Variants in COL24A1 observed in about 807,000 individuals in gnomAD.
COL24A1 encodes the protein collagen type XXIV alpha 1 chain.
COL24A1 carries 224 observed loss-of-function variants against 253.9 expected under a neutral mutation model. That is an observed-to-expected ratio of 0.88 (90% CI 0.79 to 0.99). The LOEUF (loss-of-function observed/expected upper bound fraction) is 0.99, where lower values mean the gene tolerates loss of function less well. Ranked by LOEUF, COL24A1 falls within the 50% of genes least tolerant of loss-of-function variation. COL24A1 has a pLI of 0.00. For synonymous variants in COL24A1, 685 were observed against 673.7 expected (o/e 1.02, Z -0.26); for missense variants, 2,131 against 2,068.5 (o/e 1.03, Z -0.59).
At chr1:86,099,874 G>T (rs1704293687) in intron 5 of COL24A1, among the ~76,000 whole-genome samples, 1 of 151,962 alleles carries the variant, frequency 6.6e-6, no homozygotes. Flanking sequence ...TTATTTGCCT[G>T]CTTAGAACTC....
intron 19 of COL24A1, among the ~76,000 whole-genome samples, chr1:85,990,808 C>A (rs1231732216): frequency 1.3e-5 from 2 of 152,066 alleles, no homozygotes; most frequent in Non-Finnish European, 2.9e-5. Context: ...CATAATGATA[C>A]AACAACAAAA....
intron 52 of COL24A1, among the ~76,000 whole-genome samples, chr1:85,778,557 G>A (rs1323209196): frequency 6.6e-6 from 1 of 151,066 alleles, no homozygotes; most frequent in Non-Finnish European, 1.5e-5. Context: ...TCTTTTACAG[G>A]TCTCCCCAAT....
intron 37 of COL24A1, among the ~76,000 whole-genome samples, chr1:85,861,934 G>A (rs1679198026): frequency 6.6e-6 from 1 of 151,908 alleles, no homozygotes; most frequent in Admixed American, 6.6e-5. Context: ...TCTATATCTT[G>A]GCCATTGCTG....
chr1:85,948,096 C>T (rs187188971), intron 24 of COL24A1, among the ~76,000 whole-genome samples: 109 of 152,256 alleles, frequency 7.2e-4, no homozygotes, highest in African/African-American at 2.1e-3. Context: ...TCAACTTATT[C>T]TTACTTTGTA....
intron 39 of COL24A1, among the ~76,000 whole-genome samples, chr1:85,843,142 T>C (rs1202045424): frequency 6.6e-6 from 1 of 152,194 alleles, no homozygotes; most frequent in East Asian, 1.9e-4. Flanking sequence ...AGAATAGGTA[T>C]GTGACTTGCC....
intron 5 of COL24A1, among the ~76,000 whole-genome samples, chr1:86,101,931 T>C (rs1001736021): frequency 1.3e-5 from 2 of 152,126 alleles, no homozygotes; most frequent in Non-Finnish European, 2.9e-5. Context: ...CCTCCTCAAA[T>C]TTTTGGAATA....
At chr1:85,943,276 C>T (rs1571312659) in intron 24 of COL24A1, among the ~76,000 whole-genome samples, 1 of 152,330 alleles carries the variant, frequency 6.6e-6, no homozygotes, top group East Asian at 1.9e-4. Flanking sequence ...TGTACTTGGA[C>T]AGAGCCAAGC....
intron 7 of COL24A1, among the ~76,000 whole-genome samples, chr1:86,075,978 C>T (rs1299413986): frequency 2.6e-5 from 4 of 151,988 alleles, no homozygotes; most frequent in East Asian, 1.9e-4. Context: ...CTTTGAAAAC[C>T]GGCACAAAAC....
chr1:85,996,236 G>A (rs1694775215), intron 19 of COL24A1, among the ~76,000 whole-genome samples: 1 of 152,036 alleles, frequency 6.6e-6, no homozygotes, highest in Non-Finnish European at 1.5e-5. Context: ...TATTGAACTT[G>A]TCCCCAGATA....
chr1:85,766,094 G>A (rs546146889), intron 53 of COL24A1, among the ~76,000 whole-genome samples: 192 of 152,082 alleles, frequency 1.3e-3, no homozygotes, highest in African/African-American at 4.3e-3. Flanking sequence ...GACTGGGTGC[G>A]GTGGCTTATG....
chr1:85,915,396 T>A (rs923853878), intron 24 of COL24A1, among the ~76,000 whole-genome samples: 2 of 152,336 alleles, frequency 1.3e-5, no homozygotes, highest in Admixed American at 1.3e-4. Context: ...GGAACTATAC[T>A]GGATTTCTAG....
At chr1:86,091,157 T>C (rs1703464440) in intron 6 of COL24A1, among the ~76,000 whole-genome samples, 1 of 152,112 alleles carries the variant, frequency 6.6e-6, no homozygotes, top group Non-Finnish European at 1.5e-5. Context: ...AATAATCTAT[T>C]CCAAGTTATT....
At chr1:85,874,068 C>T (rs1238174598) in intron 35 of COL24A1, among the ~76,000 whole-genome samples, 1 of 152,138 alleles carries the variant, frequency 6.6e-6, no homozygotes, top group Non-Finnish European at 1.5e-5. Context: ...AATATATCTC[C>T]CTACTTTGCC....
intron 18 of COL24A1, among the ~76,000 whole-genome samples, chr1:86,018,193 C>G (rs1338929484): frequency 6.6e-6 from 1 of 152,182 alleles, no homozygotes. Flanking sequence ...ATCACCTAAA[C>G]TTGCAAGTTA....
intron 24 of COL24A1, among the ~76,000 whole-genome samples, chr1:85,930,047 T>G (rs1334128745): frequency 1.6e-5 from 1 of 61,350 alleles, no homozygotes; most frequent in Non-Finnish European, 3.1e-5. Flanking sequence ...AGCAAACACA[T>G]TCAAAAGCTA....
intron 31 of COL24A1, among the ~76,000 whole-genome samples, chr1:85,891,049 T>A (rs969260877): frequency 2.0e-5 from 3 of 151,548 alleles, no homozygotes; most frequent in Non-Finnish European, 4.4e-5. Context: ...AAATTGCATC[T>A]TTTTTTCTTT....
At position 85,761,324 on chromosome 1, in the gene COL24A1, C is replaced by A. The variant is rs751050284; in HGVS notation, c.4437+72G>T. 481 of 1,533,292 alleles carry A rather than the reference C, an allele frequency of 3.1e-4. 1 individual carries two copies. Among genetic ancestry groups the A allele is most frequent in the Non-Finnish European group, 3.9e-4 (437 of 1,118,984 alleles). The allele number at this position is 1,533,292 out of a possible 1,614,324, so 95.0% of individuals were successfully genotyped here. On this transcript the variant is annotated intron_variant, in intron 55 of 59. Transcript: ENST00000370571. ...GGGATACCTTTTAATAGAGAGTTAA[C>A]AGAAGGATATTTAAAAAGTTAATAT... is the stretch of plus-strand genomic sequence containing the variant.
chr1:85,869,881 C>A (rs1261541837), intron 35 of COL24A1, among the ~76,000 whole-genome samples: 1 of 152,074 alleles, frequency 6.6e-6, no homozygotes, highest in African/African-American at 2.4e-5. Context: ...CTAAATGCTC[C>A]AACTAAAAGA....
At chr1:85,808,342 C>T (rs763733734) in intron 47 of COL24A1, among the ~76,000 whole-genome samples, 3 of 152,102 alleles carry the variant, frequency 2.0e-5, no homozygotes, top group Non-Finnish European at 4.4e-5. Flanking sequence ...ACAAACTTAA[C>T]GGGTTGGGGG....
Sources: allele counts gnomAD v4.1 joint callset (sites outside exome capture counted in the v4.1 genomes callset), GRCh38; gene constraint gnomAD v4.1.1; transcripts MANE v1.5; gene names NCBI Gene and HGNC (gene_info 2026-07-23, HGNC 2026-07-21).